MNS1: variants seen among roughly 807,000 people sequenced by gnomAD.
MNS1 encodes meiosis-specific nuclear structural protein 1.
A neutral mutation model predicts 72.0 loss-of-function variants in MNS1; 63 were observed. The observed-to-expected ratio is 0.87, with a 90% CI of 0.71 to 1.08. MNS1 has a LOEUF of 1.08. MNS1 is among the 50% of genes least tolerant of loss of function. The pLI is 0.00. For synonymous variants in MNS1, 188 were observed against 172.1 expected, an observed-to-expected ratio of 1.09 and a Z score of -0.72; for missense variants, 604 against 562.4, an observed-to-expected ratio of 1.07 and a Z score of -0.75.
rs923036011 is a variant in MNS1 at position 56,447,812 on chromosome 15, C to G, written c.354-869G>C. On this transcript the variant is annotated intron_variant, in intron 3 of 9. Transcript: ENST00000260453. Reference sequence around the variant, plus strand: ...AACCTGTGGTACCTCTCTTCTACCCCTTTATGTTCGCACTTATCCTGAGGC... The same window carrying G: ...AACCTGTGGTACCTCTCTTCTACCCGTTTATGTTCGCACTTATCCTGAGGC... 5 of 152,236 alleles carry G rather than the reference C, an allele frequency of 3.3e-5. No individual in the cohort carries two copies. In the South Asian group the frequency reaches 8.3e-4, roughly 25 times the overall value. 9.4% of individuals were successfully genotyped at this position (152,236 alleles called of 1,614,324 possible).
chr15:56,448,525 C>T (rs1479560964), intron 3 of MNS1, among the ~76,000 whole-genome samples: 1 of 152,226 alleles, frequency 6.6e-6, no homozygotes, highest in Non-Finnish European at 1.5e-5. Context: ...CTTAGGATAA[C>T]GGCCTCCAGC....
rs748903586 is a variant in MNS1, at chr15:56,443,780, A to G, written c.761T>C (p.Leu254Pro). Residue 254 changes from leucine to proline, a missense_variant, in exon 6 of 10, where the codon CTC becomes CCC. Transcript: ENST00000260453. Reference sequence around the variant, plus strand: ...CTCCTCACGTTTCTTTTTTCTCCAGAGAGCCTGCTCTTTCTGAAACTCTTC... The same window carrying G: ...CTCCTCACGTTTCTTTTTTCTCCAGGGAGCCTGCTCTTTCTGAAACTCTTC... ...YIEEFQKEQA[L>P]WRKKKREEME... 19 of 1,612,838 alleles carry G rather than the reference A, an allele frequency of 1.2e-5. No individual in the cohort carries two copies. The South Asian group carries it at 2.0e-4, about 17-fold the overall frequency.
intron 7 of MNS1, among the ~76,000 whole-genome samples, chr15:56,435,555 T>C (rs921412092): frequency 2.0e-5 from 3 of 151,966 alleles, no homozygotes; most frequent in Non-Finnish European, 4.4e-5. Context: ...TATACACACA[T>C]AAATTTGGCA....
chr15:56,444,728 A>C, intron 4 of MNS1, 55 bp from the exon 5 acceptor site: 1 of 1,368,626 alleles, frequency 7.3e-7, no homozygotes, highest in Non-Finnish European at 1.0e-6. Context: ...ATAGTACGAT[A>C]GTATATTTTA....
intron 9 of MNS1, chr15:56,429,401 T>G (rs2050494006): frequency 2.3e-6 from 1 of 429,136 alleles, no homozygotes; most frequent in African/African-American, 2.1e-5. Flanking sequence ...CCCAATTTTC[T>G]GATTTATCAG....
intron 3 of MNS1, among the ~76,000 whole-genome samples, chr15:56,453,364 T>C (rs1167533842): frequency 6.6e-6 from 1 of 152,168 alleles, no homozygotes; most frequent in Non-Finnish European, 1.5e-5. Flanking sequence ...GGATTATTGG[T>C]GATCAATCTT....
At chr15:56,455,284 G>C (rs1283402705) in intron 3 of MNS1, among the ~76,000 whole-genome samples, 1 of 142,426 alleles carries the variant, frequency 7.0e-6, no homozygotes, top group African/African-American at 2.6e-5. Context: ...ATGAGTAACA[G>C]CTAATGATGG....
At chr15:56,452,368 C>T (rs912101548) in intron 3 of MNS1, among the ~76,000 whole-genome samples, 13 of 152,120 alleles carry the variant, frequency 8.5e-5, no homozygotes, top group Admixed American at 3.3e-4. Flanking sequence ...AAATGCCTGG[C>T]AGACAACATT....
Position 56,446,846 on chromosome 15 carries a change from G to T in MNS1, c.451C>A (p.Gln151Lys). 1 of 1,599,034 alleles carries T rather than the reference G, an allele frequency of 6.3e-7. No individual in the cohort carries two copies. The highest frequency in any genetic ancestry group is 1.7e-5 in the Admixed American group (1 of 59,866). The change falls in exon 4 of 10, where the codon CAA becomes AAA. Residue 151 changes from glutamine to lysine, a missense_variant. Gln to Lys is a moderately conservative substitution (Grantham distance 53). Coordinates refer to ENST00000260453, the MANE Select transcript of MNS1 (RefSeq NM_018365.4). The part of the protein sequence containing the change: ...IAEKDAIKYE[Q>K]MKRDAEIAKT... ...ATGACCAGAAACATGATTACCATTTGTTCATATTTAATGGCATCCTTTTCA... is the reference window on the plus strand; with the variant it reads ...ATGACCAGAAACATGATTACCATTTTTTCATATTTAATGGCATCCTTTTCA...
intron 7 of MNS1, among the ~76,000 whole-genome samples, chr15:56,437,912 T>C (rs1324380642): frequency 6.6e-6 from 1 of 152,140 alleles, no homozygotes; most frequent in African/African-American, 2.4e-5. Flanking sequence ...TTACAAGGGA[T>C]GTGAAGGACC....
intron 7 of MNS1, among the ~76,000 whole-genome samples, chr15:56,438,015 A>G (rs1275816922): frequency 6.6e-6 from 1 of 152,210 alleles, no homozygotes; most frequent in Non-Finnish European, 1.5e-5. Flanking sequence ...AGGAAGAATC[A>G]ATATCGTGAA....
chr15:56,436,733 G>A (rs2050732504), intron 7 of MNS1, among the ~76,000 whole-genome samples: 1 of 152,058 alleles, frequency 6.6e-6, no homozygotes, highest in African/African-American at 2.4e-5. Flanking sequence ...AAAGAAAAGA[G>A]AGAAGAATCA....
intron 2 of MNS1, among the ~76,000 whole-genome samples, chr15:56,462,003 T>G (rs1448277775): frequency 3.5e-5 from 5 of 142,686 alleles, no homozygotes; most frequent in Non-Finnish European, 7.7e-5. Flanking sequence ...TTTTTTTTTT[T>G]TTTTTTTGTG....
At chr15:56,460,009 A>AAAAAAAAAAAAAAATATATATAT in intron 2 of MNS1, among the ~76,000 whole-genome samples, 1 of 26,388 alleles carries the variant, frequency 3.8e-5, no homozygotes, top group Admixed American at 5.6e-4. Flanking sequence ...AAAAAAAAAA[A>AAAAAAAAAAAAAAATATATATAT]ATACATATAT....
intron 3 of MNS1, among the ~76,000 whole-genome samples, chr15:56,450,569 A>C (rs2050940733): frequency 6.6e-6 from 1 of 152,160 alleles, no homozygotes; most frequent in Non-Finnish European, 1.5e-5. Flanking sequence ...CTAATATTTT[A>C]GCATGTATCA....
Position 56,459,990 on chromosome 15 carries a change from C to CAAAAAAAAAAA in MNS1, c.226-3480_226-3470dup, listed in dbSNP as rs150132300. 7.7e-3 allele frequency among the ~76,000 whole-genome samples: 85 copies of CAAAAAAAAAAA among 11,102 alleles called. 17 individuals are homozygous for CAAAAAAAAAAA. Among genetic ancestry groups the CAAAAAAAAAAA allele is most frequent in the African/African-American group, 0.018 (40 of 2,232 alleles). 7.3% of individuals were successfully genotyped at this position (11,102 alleles called of 152,430 possible). A position where few individuals can be genotyped will look rare whatever the true frequency, so the allele number is the denominator to read the frequency against. On this transcript the variant is annotated intron_variant, in intron 2 of 9. Coordinates refer to ENST00000260453, the MANE Select transcript of MNS1 (RefSeq NM_018365.4). ...GGGCAACAAGAGCGAAATTCTGTCT[C>CAAAAAAAAAAA]AAAAAAAAAAAAAAAAAAAATACAT...
intron 3 of MNS1, among the ~76,000 whole-genome samples, chr15:56,452,107 T>G (rs1300189804): frequency 6.6e-6 from 1 of 152,196 alleles, no homozygotes. Flanking sequence ...TTCTCTCTTC[T>G]CTCCTGTTTG....
At chr15:56,436,430 C>G (rs2140337044) in intron 7 of MNS1, among the ~76,000 whole-genome samples, 1 of 152,198 alleles carries the variant, frequency 6.6e-6, no homozygotes, top group South Asian at 2.1e-4. Context: ...CACAACATAC[C>G]AGAATCTCTG....
intron 9 of MNS1, among the ~76,000 whole-genome samples, chr15:56,431,078 C>CG (rs1245521572): frequency 1.3e-5 from 2 of 152,082 alleles, no homozygotes; most frequent in African/African-American, 2.4e-5. Context: ...GGAGAATCAC[C>CG]GGGAGGCAGA....
Sources: gnomAD v4.1 joint callset for allele counts (sites outside exome capture counted in the v4.1 genomes callset) on GRCh38, gnomAD v4.1.1 for gene constraint, MANE v1.5 for transcripts, NCBI Gene and HGNC (gene_info 2026-07-23, HGNC 2026-07-21) for gene names.